RBM20: variants seen among roughly 807,000 people sequenced by gnomAD.
RBM20 encodes RNA binding motif protein 20, also known as RNA-binding protein 20.
A neutral mutation model predicts 110.1 loss-of-function variants in RBM20; 51 were observed. The observed-to-expected ratio is 0.46, with a 90% CI of 0.37 to 0.59. RBM20 has a LOEUF of 0.59. Ranked by LOEUF, RBM20 falls within the 20% of genes least tolerant of loss-of-function variation. The pLI is 0.00. For synonymous variants in RBM20, 589 were observed against 618.2 expected, an observed-to-expected ratio of 0.95 and a Z score of 0.70; for missense variants, 1,512 against 1,574.9, an observed-to-expected ratio of 0.96 and a Z score of 0.68.
chr10:110,677,200 A>G (rs1862350929), intron 1 of RBM20, among the ~76,000 whole-genome samples: 1 of 152,126 alleles, frequency 6.6e-6, no homozygotes, highest in African/African-American at 2.4e-5. Context: ...TTATAAAGCC[A>G]CCAGTCCCAC....
intron 1 of RBM20, among the ~76,000 whole-genome samples, chr10:110,672,800 A>C (rs1862282034): frequency 6.6e-6 from 1 of 152,248 alleles, no homozygotes; most frequent in Non-Finnish European, 1.5e-5. Context: ...CTTAGTATAG[A>C]GCAGTAGAAA....
At chr10:110,673,307 G>T (rs922547787) in intron 1 of RBM20, among the ~76,000 whole-genome samples, 2 of 152,006 alleles carry the variant, frequency 1.3e-5, no homozygotes, top group Non-Finnish European at 2.9e-5. Flanking sequence ...TGCTTCTTGG[G>T]TTCGAGCAAT....
intron 1 of RBM20, among the ~76,000 whole-genome samples, 173 bp from the exon 2 acceptor site, chr10:110,780,620 GTTTTTTTT>G (rs34363441): frequency 1.4e-5 from 2 of 140,870 alleles, no homozygotes; most frequent in Non-Finnish European, 3.1e-5. Context: ...TTCCATTGGA[GTTTTTTTT>G]TTTTTTTTTA....
intron 1 of RBM20, among the ~76,000 whole-genome samples, chr10:110,681,004 A>G (rs1862415944): frequency 6.6e-6 from 1 of 152,144 alleles, no homozygotes; most frequent in South Asian, 2.1e-4. Flanking sequence ...ATTCGTGAAA[A>G]ATCTTAAGTC....
Position 110,644,399 on chromosome 10 carries a change from G to A in RBM20, c.-56G>A. The A allele has an allele frequency of 8.1e-6, 11 of 1,353,012 alleles. No homozygotes were observed. The highest frequency in any genetic ancestry group is 1.1e-5 in the Non-Finnish European group (11 of 1,047,432). The allele number at this position is 1,353,012 out of a possible 1,614,324, so 83.8% of individuals were successfully genotyped here. A position where few individuals can be genotyped will look rare whatever the true frequency, so the allele number is the denominator to read the frequency against. Reference sequence around the variant, plus strand: ...CCCGGCCAGTGAGCGCCCGTGGCCCGGGACCGCCCCTCCCTTGAGCTCTCT... The same window carrying A: ...CCCGGCCAGTGAGCGCCCGTGGCCCAGGACCGCCCCTCCCTTGAGCTCTCT... On this transcript the variant is annotated 5_prime_UTR_variant, in exon 1 of 14. Coordinates refer to ENST00000369519, the MANE Select transcript of RBM20 (RefSeq NM_001134363.3). The surrounding 1 kb of genome is among the most constrained non-coding windows in gnomAD (Gnocchi z 4.3).
intron 5 of RBM20, among the ~76,000 whole-genome samples, chr10:110,791,478 C>T (rs757669282): frequency 1.3e-5 from 2 of 151,310 alleles, no homozygotes; most frequent in Non-Finnish European, 2.9e-5. Flanking sequence ...GAACTTGAGC[C>T]TCTTATTTGA....
chr10:110,807,460 C>T (rs549804196), intron 7 of RBM20, among the ~76,000 whole-genome samples: 38 of 152,346 alleles, frequency 2.5e-4, no homozygotes, highest in African/African-American at 8.9e-4. Flanking sequence ...CTGATCAGCC[C>T]GCTCTGCCCC....
intron 1 of RBM20, among the ~76,000 whole-genome samples, chr10:110,702,111 C>T (rs1265257991): frequency 6.8e-6 from 1 of 146,502 alleles, no homozygotes; most frequent in East Asian, 2.2e-4. Context: ...CCCAATGTGC[C>T]CACCTCTTCT....
At chr10:110,695,655 G>A (rs1041263375) in intron 1 of RBM20, among the ~76,000 whole-genome samples, 3 of 152,216 alleles carry the variant, frequency 2.0e-5, no homozygotes, top group Admixed American at 6.5e-5. Flanking sequence ...AGATGAGTTC[G>A]CTGATGGGAG....
chr10:110,646,919 T>G (rs1438591767), intron 1 of RBM20, among the ~76,000 whole-genome samples: 1 of 152,212 alleles, frequency 6.6e-6, no homozygotes, highest in African/African-American at 2.4e-5. Flanking sequence ...GTGGAACACA[T>G]ATTAAATATT....
intron 7 of RBM20, among the ~76,000 whole-genome samples, chr10:110,808,436 G>A (rs1844722643): frequency 6.6e-6 from 1 of 152,208 alleles, no homozygotes; most frequent in South Asian, 2.1e-4. Context: ...GCTTTACAGA[G>A]GGTTGATCTC....
chr10:110,701,646 T>A (rs1166067381), intron 1 of RBM20, among the ~76,000 whole-genome samples: 2 of 152,200 alleles, frequency 1.3e-5, no homozygotes, highest in Non-Finnish European at 2.9e-5. Flanking sequence ...CTCCACACCA[T>A]CCAGTGGGAA....
At chr10:110,673,031 T>C (rs1329711788) in intron 1 of RBM20, among the ~76,000 whole-genome samples, 1 of 152,204 alleles carries the variant, frequency 6.6e-6, no homozygotes, top group Non-Finnish European at 1.5e-5. Flanking sequence ...ACAGCCACTC[T>C]ACTTTTGAAT....
intron 1 of RBM20, among the ~76,000 whole-genome samples, chr10:110,713,199 A>G (rs867889513): frequency 6.6e-6 from 1 of 152,256 alleles, no homozygotes; most frequent in Non-Finnish European, 1.5e-5. Flanking sequence ...TGGAAAATAT[A>G]TGGAAAGAAA....
intron 1 of RBM20, among the ~76,000 whole-genome samples, chr10:110,714,423 C>G (rs1862985906): frequency 6.6e-6 from 1 of 152,192 alleles, no homozygotes; most frequent in African/African-American, 2.4e-5. Flanking sequence ...TCATACTGAG[C>G]TGACCACCTG....
intron 1 of RBM20, among the ~76,000 whole-genome samples, chr10:110,749,175 A>T (rs1315858971): frequency 1.3e-5 from 2 of 152,260 alleles, no homozygotes; most frequent in Non-Finnish European, 2.9e-5. Flanking sequence ...ATGCAGTAAG[A>T]CAAGAAAAAT....
intron 1 of RBM20, among the ~76,000 whole-genome samples, chr10:110,745,493 T>C (rs1843769229): frequency 6.6e-6 from 1 of 152,216 alleles, no homozygotes; most frequent in South Asian, 2.1e-4. Flanking sequence ...TGTACCTTCT[T>C]GTCTGTTTGA....
intron 12 of RBM20, among the ~76,000 whole-genome samples, chr10:110,829,442 G>T (rs1467655486): frequency 6.6e-6 from 1 of 152,160 alleles, no homozygotes; most frequent in Non-Finnish European, 1.5e-5. Flanking sequence ...ACTGCTGAGG[G>T]CATGGCGTGT....
At chr10:110,751,123 A>G (rs920506488) in intron 1 of RBM20, among the ~76,000 whole-genome samples, 4 of 152,222 alleles carry the variant, frequency 2.6e-5, no homozygotes, top group South Asian at 4.1e-4. Flanking sequence ...ACTGCTGTCA[A>G]TCTAAGCAGG....
Sources: allele counts gnomAD v4.1 joint callset (sites outside exome capture counted in the v4.1 genomes callset), GRCh38; gene constraint gnomAD v4.1.1; non-coding constraint Gnocchi (gnomAD v3.1); transcripts MANE v1.5; gene names NCBI Gene and HGNC (gene_info 2026-07-23, HGNC 2026-07-21).